ADGRB3: variants seen among roughly 807,000 people sequenced by gnomAD.
ADGRB3 encodes brain-specific angiogenesis inhibitor 3.
A neutral mutation model predicts 193.4 loss-of-function variants in ADGRB3; 37 were observed. The observed-to-expected ratio is 0.19, with a 90% confidence interval of 0.15 to 0.25. ADGRB3 has a LOEUF of 0.25. ADGRB3 is among the 10% of genes least tolerant of loss of function. ADGRB3 has a pLI of 1.00. For synonymous variants in ADGRB3, 690 were observed against 644.2 expected (o/e 1.07, Z -1.08); for missense variants, 1,637 against 1,852.9 (o/e 0.88, Z 2.14).
intron 11 of ADGRB3, among the ~76,000 whole-genome samples, chr6:69,000,544 T>C (rs570825573): frequency 1.3e-5 from 2 of 152,328 alleles, no homozygotes; most frequent in South Asian, 2.1e-4. Flanking sequence ...CACTAGATAC[T>C]ACTTCAGCAC....
In ADGRB3 at chr6:69,239,319, G is replaced by T. The variant is rs1766336839; in HGVS notation, c.2814+93G>T. 19 of 878,400 alleles carry T rather than the reference G, an allele frequency of 2.2e-5. No individual in the cohort carries two copies. The East Asian group carries it at 4.9e-4, about 23-fold the overall frequency. The allele number at this position is 878,400 out of a possible 1,614,324, so 54.4% of individuals were successfully genotyped here. On this transcript the variant is annotated intron_variant, in intron 20 of 31. Transcript: ENST00000370598. ...ATCTAAACATTCATTCTAAAATGGA[G>T]AACTTCTGACAAAATTATATTTTAA... is the stretch of plus-strand genomic sequence containing the variant.
At chr6:69,171,859 T>C (rs1296006946) in intron 17 of ADGRB3, among the ~76,000 whole-genome samples, 1 of 152,214 alleles carries the variant, frequency 6.6e-6, no homozygotes, top group Non-Finnish European at 1.5e-5. Flanking sequence ...TCTTCCTCAG[T>C]AATGCAGCTT....
intron 3 of ADGRB3, among the ~76,000 whole-genome samples, chr6:68,903,172 T>C (rs1766445466): frequency 6.6e-6 from 1 of 152,176 alleles, no homozygotes; most frequent in Admixed American, 6.5e-5. Flanking sequence ...GAAGGTAGAT[T>C]ATTTAGGTAG....
intron 3 of ADGRB3, among the ~76,000 whole-genome samples, chr6:68,799,470 T>G (rs1217024215): frequency 6.6e-6 from 1 of 152,234 alleles, no homozygotes; most frequent in East Asian, 1.9e-4. Context: ...TTTTAAGTAC[T>G]GTGTATACAA....
chr6:69,325,469 A>G (rs1385180104), intron 21 of ADGRB3, among the ~76,000 whole-genome samples: 1 of 152,188 alleles, frequency 6.6e-6, no homozygotes, highest in African/African-American at 2.4e-5. Context: ...GGAGAACACC[A>G]TCTAGAGAAT....
At chr6:69,233,007 G>C in intron 17 of ADGRB3, 1 of 453,030 alleles carries the variant, frequency 2.2e-6, no homozygotes, top group South Asian at 3.1e-5. Flanking sequence ...TGCCGCTGCT[G>C]TTCCTCGCAT....
At chr6:68,989,269 ATAAT>A (rs1450906421) in intron 10 of ADGRB3, among the ~76,000 whole-genome samples, 4 of 152,150 alleles carry the variant, frequency 2.6e-5, no homozygotes, top group African/African-American at 9.7e-5. Context: ...AAGAACAGAA[ATAAT>A]TAAAATCATT....
At chr6:69,271,365 C>A (rs768331106) in intron 20 of ADGRB3, among the ~76,000 whole-genome samples, 12 of 152,020 alleles carry the variant, frequency 7.9e-5, no homozygotes, top group Non-Finnish European at 1.8e-4. Context: ...AAATGAATGG[C>A]TCAGTGAATT....
At chr6:69,164,133 G>T (rs1053297651) in intron 17 of ADGRB3, among the ~76,000 whole-genome samples, 1 of 151,868 alleles carries the variant, frequency 6.6e-6, no homozygotes, top group East Asian at 1.9e-4. Flanking sequence ...TCCTCTGTTC[G>T]CATAACTGCT....
chr6:68,725,897 GCT>G (rs912588018), intron 3 of ADGRB3, among the ~76,000 whole-genome samples: 22 of 151,506 alleles, frequency 1.5e-4, no homozygotes, highest in Non-Finnish European at 2.5e-4. Flanking sequence ...AATACAGAGA[GCT>G]CCCAAGGGAT....
intron 17 of ADGRB3, among the ~76,000 whole-genome samples, chr6:69,172,335 G>C (rs541431411): frequency 6.6e-6 from 1 of 152,174 alleles, no homozygotes; most frequent in South Asian, 2.1e-4. Context: ...CTAGTGGAGG[G>C]AAAGAGAGAT....
At chr6:69,057,062 TCTTC>T (rs1161095391) in intron 15 of ADGRB3, among the ~76,000 whole-genome samples, 1 of 152,148 alleles carries the variant, frequency 6.6e-6, no homozygotes, top group Non-Finnish European at 1.5e-5. Context: ...TTTATCTGTC[TCTTC>T]CTTCATTTTT....
Position 69,252,233 on chromosome 6 carries a change from G to A in ADGRB3, c.2814+13007G>A, listed in dbSNP as rs137907857. On this transcript the variant is annotated intron_variant, in intron 20 of 31. Coordinates refer to ENST00000370598, the MANE Select transcript of ADGRB3 (RefSeq NM_001704.3). ...CAACTATATTGTTGTATGTATTAGTGATTAATTATTCTTTATTGCTGAGTA... is the reference window on the plus strand; with the variant it reads ...CAACTATATTGTTGTATGTATTAGTAATTAATTATTCTTTATTGCTGAGTA... Among the ~76,000 whole-genome samples the A allele has an allele frequency of 3.2e-3, 494 of 152,136 alleles. 1 individual carries two copies. The highest frequency in any genetic ancestry group is 0.011 in the African/African-American group (467 of 41,528).
chr6:69,183,622 A>G (rs1182728428), intron 17 of ADGRB3, among the ~76,000 whole-genome samples: 3 of 151,942 alleles, frequency 2.0e-5, no homozygotes, highest in East Asian at 1.9e-4. Flanking sequence ...TATTGATTTC[A>G]TTTTTTTTGA....
chr6:68,965,454 T>TGTG (rs71229268), intron 8 of ADGRB3, among the ~76,000 whole-genome samples: 10 of 151,790 alleles, frequency 6.6e-5, no homozygotes, highest in South Asian at 2.1e-4. Flanking sequence ...TGTTTTTTTT[T>TGTG]TGTGTGTGTG....
At chr6:69,025,100 A>T (rs1039307835) in intron 13 of ADGRB3, among the ~76,000 whole-genome samples, 8 of 151,476 alleles carry the variant, frequency 5.3e-5, no homozygotes, top group East Asian at 3.9e-4. Flanking sequence ...TCAAAAAAAA[A>T]AAAAAAAAAT....
chr6:68,939,551 AT>A (rs1478408842), intron 5 of ADGRB3, among the ~76,000 whole-genome samples: 1 of 152,128 alleles, frequency 6.6e-6, no homozygotes, highest in Non-Finnish European at 1.5e-5. Context: ...TTTATTTTTA[AT>A]TTTCCAAACA....
chr6:68,923,298 C>G (rs1199277100), intron 3 of ADGRB3, among the ~76,000 whole-genome samples: 4 of 151,952 alleles, frequency 2.6e-5, no homozygotes, highest in Admixed American at 1.3e-4. Flanking sequence ...ATGTAAAAGA[C>G]AGAAGAAACC....
At chr6:68,964,538 C>T (rs759768523) in intron 8 of ADGRB3, among the ~76,000 whole-genome samples, 3 of 152,154 alleles carry the variant, frequency 2.0e-5, no homozygotes, top group Non-Finnish European at 4.4e-5. Flanking sequence ...AATACAGAAA[C>T]TTAGTAAACG....
Sources: gnomAD v4.1 joint callset for allele counts (sites outside exome capture counted in the v4.1 genomes callset) on GRCh38, gnomAD v4.1.1 for gene constraint, MANE v1.5 for transcripts, NCBI Gene and HGNC (gene_info 2026-07-23, HGNC 2026-07-21) for gene names.